RGS8: variants seen among roughly 807,000 people sequenced by gnomAD.
RGS8 encodes regulator of G-protein signaling 8.
RGS8 carries 8 observed loss-of-function variants against 21.7 expected under a neutral mutation model. The observed-to-expected ratio is 0.37, with a 90% CI of 0.22 to 0.66. The LOEUF (loss-of-function observed/expected upper bound fraction) is 0.66, where lower values mean the gene tolerates loss of function less well. Ranked by LOEUF, RGS8 falls within the 30% of genes least tolerant of loss-of-function variation. The probability of loss-of-function intolerance (pLI) is 0.59; values close to 1 mark genes in which losing one functional copy is unlikely to be tolerated. For synonymous variants in RGS8, 80 were observed against 83.6 expected (o/e 0.96, Z 0.24); for missense variants, 157 against 217.9 (o/e 0.72, Z 1.76).
the RGS8 span, among the ~76,000 whole-genome samples, chr1:182,727,201 A>G: frequency 3.9e-5 from 6 of 152,328 alleles, no homozygotes; most frequent in South Asian, 1.2e-3. Flanking sequence ...CAAATCCTGC[A>G]CTACCACTTA....
chr1:182,750,142 C>T, the RGS8 span, among the ~76,000 whole-genome samples: 1 of 152,214 alleles, frequency 6.6e-6, no homozygotes, highest in African/African-American at 2.4e-5. Context: ...AATTAGAACA[C>T]ATAGTATGAG....
intron 5 of RGS8, among the ~76,000 whole-genome samples, chr1:182,663,114 G>A (rs1261165563): frequency 6.6e-6 from 1 of 152,190 alleles, no homozygotes; most frequent in East Asian, 1.9e-4. Context: ...CTTAGGACAT[G>A]TTATTGTCTT....
downstream of RGS8, chr1:182,644,834 G>A (rs1224029702): frequency 6.6e-6 from 1 of 152,136 alleles, no homozygotes. Context: ...AACCACGGTT[G>A]GGAGGATACT....
chr1:182,667,589 C>A (rs1330329027), intron 3 of RGS8, among the ~76,000 whole-genome samples: 1 of 152,288 alleles, frequency 6.6e-6, no homozygotes, highest in East Asian at 1.9e-4. Context: ...ACCAATGTCC[C>A]CTTTGTCAGT....
the RGS8 span, among the ~76,000 whole-genome samples, chr1:182,726,374 A>G: frequency 6.6e-6 from 1 of 152,158 alleles, no homozygotes; most frequent in Non-Finnish European, 1.5e-5. Context: ...ATGCTCTGAT[A>G]AGATGCCATG....
At chr1:182,708,698 A>C in the RGS8 span, among the ~76,000 whole-genome samples, 1 of 152,230 alleles carries the variant, frequency 6.6e-6, no homozygotes, top group African/African-American at 2.4e-5. Context: ...CCCGGCCAAG[A>C]ACAACAGACT....
the RGS8 span, among the ~76,000 whole-genome samples, chr1:182,720,759 T>C: frequency 2.0e-5 from 3 of 151,894 alleles, no homozygotes; most frequent in Non-Finnish European, 4.4e-5. Context: ...CAGCACTTGG[T>C]CTGCAGCACT....
the RGS8 span, among the ~76,000 whole-genome samples, chr1:182,751,210 T>C: frequency 2.6e-5 from 4 of 152,222 alleles, no homozygotes; most frequent in Non-Finnish European, 1.5e-5. Context: ...TTGAGATTTG[T>C]TGTGTAGGCA....
At chr1:182,678,433 T>A (rs1664438832) in intron 1 of RGS8, among the ~76,000 whole-genome samples, 1 of 152,220 alleles carries the variant, frequency 6.6e-6, no homozygotes, top group African/African-American at 2.4e-5. Flanking sequence ...TTAAGAAAAG[T>A]CTATTATTTT....
intron 5 of RGS8, among the ~76,000 whole-genome samples, chr1:182,649,216 A>G (rs1662877281): frequency 6.6e-6 from 1 of 152,192 alleles, no homozygotes; most frequent in African/African-American, 2.4e-5. Flanking sequence ...CTATGTTGCT[A>G]TTTAATAATT....
chr1:182,648,532 G>A lies in RGS8; in HGVS notation c.194-229C>T, dbSNP rs530312207. On this transcript the variant is annotated intron_variant, in intron 5 of 6. Coordinates refer to ENST00000483095, the Ensembl canonical transcript of RGS8. ...GTGGATCACCTGAGGTCATGAGTTC[G>A]AGACCAGCCTGGCCAAAATTGTAAA... Among the ~76,000 whole-genome samples the A allele has an allele frequency of 3.3e-5, 5 of 152,036 alleles. No homozygotes were observed. The East Asian group carries it at 7.7e-4, about 24-fold the overall frequency.
chr1:182,747,103 A>G, the RGS8 span, among the ~76,000 whole-genome samples: 1 of 88,764 alleles, frequency 1.1e-5, no homozygotes, highest in Non-Finnish European at 2.1e-5. Context: ...ATCTCGTTAT[A>G]TTGCCCAGGC....
the RGS8 span, among the ~76,000 whole-genome samples, chr1:182,710,623 T>C: frequency 6.6e-6 from 1 of 152,048 alleles, no homozygotes; most frequent in Non-Finnish European, 1.5e-5. Context: ...AAAGATTGCA[T>C]GTAATGGGGA....
chr1:182,740,084 A>T, the RGS8 span, among the ~76,000 whole-genome samples: 3 of 152,120 alleles, frequency 2.0e-5, no homozygotes, highest in Non-Finnish European at 2.9e-5. Context: ...GAGACCCAAT[A>T]ATCATCCCCC....
At chr1:182,739,442 A>G in the RGS8 span, among the ~76,000 whole-genome samples, 2 of 152,172 alleles carry the variant, frequency 1.3e-5, no homozygotes, top group African/African-American at 2.4e-5. Context: ...TGTTCTTTCA[A>G]TGGGGTTTTT....
At chr1:182,746,974 G>A in the RGS8 span, among the ~76,000 whole-genome samples, 13 of 144,152 alleles carry the variant, frequency 9.0e-5, no homozygotes, top group African/African-American at 3.3e-4. Context: ...CATGAACATA[G>A]CTCACTGGAT....
intron 4 of RGS8, 90 bp downstream of exon 5, chr1:182,666,782 A>T (rs1204681209): frequency 1.1e-6 from 1 of 912,382 alleles, no homozygotes; most frequent in Non-Finnish European, 1.8e-6. Flanking sequence ...GGATTTTTCC[A>T]GTGGCTCATC....
the RGS8 span, among the ~76,000 whole-genome samples, chr1:182,701,337 A>G: frequency 3.3e-5 from 5 of 152,208 alleles, no homozygotes; most frequent in South Asian, 1.0e-3. Flanking sequence ...TCAGTTCTTC[A>G]ATATTGTTAT....
the RGS8 span, among the ~76,000 whole-genome samples, chr1:182,720,519 A>G: frequency 2.0e-5 from 3 of 152,262 alleles, no homozygotes; most frequent in South Asian, 2.1e-4. Flanking sequence ...CTGGCTACCA[A>G]ATAAATTCCA....
Sources: allele counts gnomAD v4.1 joint callset (sites outside exome capture counted in the v4.1 genomes callset), GRCh38; gene constraint gnomAD v4.1.1; transcripts MANE v1.5; gene names NCBI Gene and HGNC (gene_info 2026-07-23, HGNC 2026-07-21).